SYNPR: variants seen among roughly 807,000 people sequenced by gnomAD.
SYNPR encodes the protein synaptoporin.
Under a neutral mutation model 32.9 loss-of-function variants are expected in SYNPR, and 23 were observed. The observed-to-expected ratio is 0.70, with a 90% CI of 0.50 to 0.99. SYNPR has a LOEUF of 0.99. Ranked by LOEUF, SYNPR falls within the 50% of genes least tolerant of loss-of-function variation. The probability of loss-of-function intolerance (pLI) is 0.00; values close to 1 mark genes in which losing one functional copy is unlikely to be tolerated. For synonymous variants in SYNPR, 146 were observed against 135.9 expected (o/e 1.07, Z -0.52); for missense variants, 318 against 349.3 (o/e 0.91, Z 0.71).
chr3:63,524,538 A>C (rs1701971021), intron 3 of SYNPR, among the ~76,000 whole-genome samples: 1 of 152,064 alleles, frequency 6.6e-6, no homozygotes, highest in Admixed American at 6.6e-5. Context: ...TTTGTCTCCC[A>C]ATGTCTCAGA....
intron 3 of SYNPR, among the ~76,000 whole-genome samples, chr3:63,489,346 A>C (rs1442673176): frequency 1.3e-5 from 2 of 152,168 alleles, no homozygotes; most frequent in Non-Finnish European, 2.9e-5. Flanking sequence ...CTGGGACTGC[A>C]TGCAGACCTA....
chr3:63,441,854 G>A (rs1700183928), intron 2 of SYNPR, among the ~76,000 whole-genome samples: 1 of 152,190 alleles, frequency 6.6e-6, no homozygotes, highest in Non-Finnish European at 1.5e-5. Flanking sequence ...GTTTGCAGGT[G>A]TGTAGTGTAG....
intron 2 of SYNPR, among the ~76,000 whole-genome samples, chr3:63,371,098 C>T (rs1294139664): frequency 1.3e-5 from 2 of 152,080 alleles, no homozygotes; most frequent in Non-Finnish European, 2.9e-5. Flanking sequence ...ACAAGACAAC[C>T]ACCCACCTGG....
intron 4 of SYNPR, among the ~76,000 whole-genome samples, chr3:63,586,866 A>G (rs982824544): frequency 6.6e-6 from 1 of 151,958 alleles, no homozygotes; most frequent in African/African-American, 2.4e-5. Context: ...TCATTCTCCT[A>G]CGCAAAACTT....
intron 2 of SYNPR, among the ~76,000 whole-genome samples, chr3:63,443,653 G>A (rs767843805): frequency 6.6e-6 from 1 of 152,160 alleles, no homozygotes; most frequent in Non-Finnish European, 1.5e-5. Flanking sequence ...AACCAAAGAG[G>A]CTGTGTTGAT....
At chr3:63,228,372 C>T (rs1379839116) in exon 1 of SYNPR, 1 of 152,188 alleles carries the variant, frequency 6.6e-6, no homozygotes, top group Non-Finnish European at 1.5e-5. Context: ...GTCATTCTTA[C>T]TCAGGCAGGT....
rs573063987 is a variant in SYNPR at position 63,491,341 on chromosome 3, A to T, written c.209+10385A>T. Among the ~76,000 whole-genome samples, 17 of 152,120 alleles carry T rather than the reference A, an allele frequency of 1.1e-4. 1 individual carries two copies. In the South Asian group the frequency reaches 3.3e-3, roughly 30 times the overall value. On this transcript the variant is annotated intron_variant, in intron 3 of 5. Transcript: ENST00000478300. ...CAATTAGCTACACAGGGTTTGGATG[A>T]TTTGGAAAGGGTCCTTAAGGCAATC... is the stretch of plus-strand genomic sequence containing the variant.
intron 2 of SYNPR, among the ~76,000 whole-genome samples, chr3:63,316,558 T>C (rs896649562): frequency 3.3e-5 from 5 of 152,148 alleles, no homozygotes; most frequent in Admixed American, 1.3e-4. Flanking sequence ...ATCTTTTGTA[T>C]TTCAGTGGTG....
At chr3:63,273,657 T>G (rs1023997272), upstream of SYNPR, among the ~76,000 whole-genome samples, 1 of 152,236 alleles carries the variant, frequency 6.6e-6, no homozygotes. Flanking sequence ...ATTTTATAAT[T>G]TAAGTTCACA....
intron 3 of SYNPR, among the ~76,000 whole-genome samples, chr3:63,504,890 C>T (rs1184536168): frequency 1.3e-5 from 2 of 151,534 alleles, no homozygotes; most frequent in East Asian, 1.9e-4. Context: ...GTGTGACTCA[C>T]GTGGACAGAG....
At chr3:63,261,826 A>G (rs1400340632) in intron 2 of SYNPR, among the ~76,000 whole-genome samples, 1 of 150,660 alleles carries the variant, frequency 6.6e-6, no homozygotes. Flanking sequence ...GAATTGAACA[A>G]TGAGAACACA....
At chr3:63,394,086 T>A (rs1411510764) in intron 2 of SYNPR, among the ~76,000 whole-genome samples, 1 of 152,190 alleles carries the variant, frequency 6.6e-6, no homozygotes, top group African/African-American at 2.4e-5. Flanking sequence ...TAGCCAATAC[T>A]TCCCCCCTAC....
chr3:63,533,489 T>C (rs750083305), intron 3 of SYNPR, among the ~76,000 whole-genome samples: 2 of 152,156 alleles, frequency 1.3e-5, no homozygotes, highest in African/African-American at 4.8e-5. Flanking sequence ...GGGATAGAGA[T>C]AGGTTTTGTA....
the SYNPR span, among the ~76,000 whole-genome samples, chr3:63,207,423 C>T: frequency 6.6e-6 from 1 of 152,146 alleles, no homozygotes; most frequent in Non-Finnish European, 1.5e-5. Context: ...TTGACTAGCT[C>T]ATGAAGGTAT....
chr3:63,403,333 G>A (rs1217601647), intron 2 of SYNPR, among the ~76,000 whole-genome samples: 2 of 151,888 alleles, frequency 1.3e-5, no homozygotes, highest in Admixed American at 1.3e-4. Context: ...AGCCTTGGTT[G>A]AGTGCTGTGT....
rs114646715 is a variant in SYNPR, at chr3:63,294,231, T to G, written c.84+15489T>G. On this transcript the variant is annotated intron_variant, in intron 2 of 5. Coordinates refer to ENST00000478300, the MANE Select transcript of SYNPR (RefSeq NM_001130003.2). ...ATAATTACTATGCCTCTATTGTTAT[T>G]AACTTAGATGTAGAATTGCTGGCTC... Among the ~76,000 whole-genome samples the G allele has an allele frequency of 9.2e-3, 1,396 of 152,322 alleles. 26 individuals carry two copies. The highest frequency in any genetic ancestry group is 0.031 in the African/African-American group (1,269 of 41,568).
At chr3:63,593,901 C>T (rs1462299355) in intron 4 of SYNPR, among the ~76,000 whole-genome samples, 1 of 152,124 alleles carries the variant, frequency 6.6e-6, no homozygotes, top group African/African-American at 2.4e-5. Flanking sequence ...CCCCCACTCT[C>T]TTCCATTTTT....
At chr3:63,237,636 G>A (rs532869007) in intron 1 of SYNPR, among the ~76,000 whole-genome samples, 66 of 151,974 alleles carry the variant, frequency 4.3e-4, no homozygotes, top group African/African-American at 1.6e-3. Context: ...TGAACATTTT[G>A]TCTATTATGT....
intron 3 of SYNPR, among the ~76,000 whole-genome samples, chr3:63,500,114 T>C (rs1190354820): frequency 1.3e-5 from 2 of 152,128 alleles, no homozygotes; most frequent in Non-Finnish European, 2.9e-5. Context: ...GGTTTCCCAG[T>C]TTGGAGCATG....
Sources: allele counts gnomAD v4.1 joint callset (sites outside exome capture counted in the v4.1 genomes callset), GRCh38; gene constraint gnomAD v4.1.1; transcripts MANE v1.5; gene names NCBI Gene and HGNC (gene_info 2026-07-23, HGNC 2026-07-21).